The following ZNF385D variants were observed in gnomAD, a reference collection of about 807,000 sequenced individuals.
ZNF385D encodes the protein zinc finger protein 385D.
Under a neutral mutation model 35.8 loss-of-function variants are expected in ZNF385D, and 15 were observed. That is an observed-to-expected ratio of 0.42 (90% CI 0.28 to 0.64). The LOEUF is 0.64. ZNF385D is among the 30% of genes least tolerant of loss of function. The pLI is 0.23. For missense variants in ZNF385D, 474 were observed against 494.6 expected, an observed-to-expected ratio of 0.96 and a Z score of 0.39; for synonymous variants, 212 against 186.8, an observed-to-expected ratio of 1.13 and a Z score of -1.10.
chr3:21,818,904 T>C (rs964606662), intron 3 of ZNF385D, among the ~76,000 whole-genome samples: 1 of 151,966 alleles, frequency 6.6e-6, no homozygotes, highest in Admixed American at 6.6e-5. Context: ...GAGAAACACG[T>C]GAATGAATCT....
intron 3 of ZNF385D, among the ~76,000 whole-genome samples, chr3:21,810,048 A>G (rs1466682699): frequency 3.6e-4 from 55 of 152,196 alleles, no homozygotes; most frequent in Non-Finnish European, 7.4e-5. Context: ...TAACACCAGC[A>G]TGTCCTTGAT....
Position 21,539,064 on chromosome 3 carries a change from T to G in ZNF385D, c.276+25510A>C, listed in dbSNP as rs7634487. Among the ~76,000 whole-genome samples the G allele has an allele frequency of 0.017, 2,532 of 152,198 alleles. 44 individuals are homozygous for G. Among genetic ancestry groups the G allele is most frequent in the Non-Finnish European group, 0.024 (1,653 of 68,016 alleles). ...GGTCTGAGAAGAGATGAACTAGTTT[T>G]CAGCTAATACGGAACAAAGGGAGTG... On this transcript the variant is annotated intron_variant, in intron 3 of 7. Coordinates refer to ENST00000281523, the MANE Select transcript of ZNF385D (RefSeq NM_024697.3). The surrounding 1 kb of genome is among the most constrained non-coding windows in gnomAD (Gnocchi z 4.0).
chr3:21,843,927 A>G (rs1457074557), intron 3 of ZNF385D, among the ~76,000 whole-genome samples: 1 of 151,996 alleles, frequency 6.6e-6, no homozygotes, highest in African/African-American at 2.4e-5. Context: ...TGAAACAGAC[A>G]TAGAATGTGC....
chr3:22,341,522 C>T (rs972085922), intron 2 of ZNF385D, among the ~76,000 whole-genome samples: 2 of 152,180 alleles, frequency 1.3e-5, no homozygotes, highest in Admixed American at 6.5e-5. Context: ...AGGTCAGTCT[C>T]CTATCTTCAA....
rs1000912099 is a variant in ZNF385D at position 21,916,429 on chromosome 3, C to T, written c.326-251401G>A. On this transcript the variant is annotated intron_variant, in intron 3 of 5. Transcript: ENST00000494108. Reference sequence around the variant, plus strand: ...TCTAATGCATATTTTAACTTTTACACTTATGTCTAAAATATAATCTGCACC... The same window carrying T: ...TCTAATGCATATTTTAACTTTTACATTTATGTCTAAAATATAATCTGCACC... Among the ~76,000 whole-genome samples the T allele has an allele frequency of 5.3e-5, 8 of 152,224 alleles. No homozygotes were observed. In the East Asian group the frequency reaches 1.5e-3, roughly 29 times the overall value.
At chr3:21,849,935 G>T (rs1192576646) in intron 3 of ZNF385D, among the ~76,000 whole-genome samples, 2 of 151,754 alleles carry the variant, frequency 1.3e-5, no homozygotes, top group African/African-American at 4.8e-5. Context: ...GTAGGGATAG[G>T]GTCTCACTAT....
At chr3:21,657,106 T>C (rs2066094768) in intron 2 of ZNF385D, among the ~76,000 whole-genome samples, 1 of 151,822 alleles carries the variant, frequency 6.6e-6, no homozygotes, top group South Asian at 2.1e-4. Flanking sequence ...CGATCTTTAA[T>C]GAGAAGAACA....
chr3:21,746,102 G>A (rs931652511), intron 1 of ZNF385D, among the ~76,000 whole-genome samples: 12 of 152,142 alleles, frequency 7.9e-5, no homozygotes, highest in Non-Finnish European at 1.6e-4. Flanking sequence ...CTTATCAACG[G>A]AGCGTTCAGT....
At chr3:21,707,302 A>C (rs2067941963) in intron 1 of ZNF385D, among the ~76,000 whole-genome samples, 1 of 152,164 alleles carries the variant, frequency 6.6e-6, no homozygotes, top group African/African-American at 2.4e-5. Context: ...ATTTACTATA[A>C]ATTGTGCACA....
At chr3:21,980,318 T>G (rs1180855468) in intron 3 of ZNF385D, among the ~76,000 whole-genome samples, 5 of 152,160 alleles carry the variant, frequency 3.3e-5, no homozygotes, top group Non-Finnish European at 7.4e-5. Flanking sequence ...CTCAGCTAAG[T>G]CGCTTTTGAA....
In ZNF385D at chr3:22,003,005, G is replaced by C. The variant is rs182024018; in HGVS notation, c.325+165812C>G. 3.9e-4 allele frequency among the ~76,000 whole-genome samples: 59 copies of C among 152,248 alleles called. 1 individual carries two copies. Among genetic ancestry groups the C allele is most frequent in the Middle Eastern group, 6.8e-3 (2 of 294 alleles). The stretch of plus-strand genomic sequence containing the variant: ...GAAAAGCTGGAAGCCTTTTCTCTAA[G>C]AACTAGAATAAGAAAAGGATGCCCA... On this transcript the variant is annotated intron_variant, in intron 3 of 5. Transcript: ENST00000494108.
intron 3 of ZNF385D, among the ~76,000 whole-genome samples, chr3:22,146,309 T>G (rs1704849001): frequency 6.6e-6 from 1 of 152,188 alleles, no homozygotes; most frequent in South Asian, 2.1e-4. Flanking sequence ...TCCTGTTAAT[T>G]AAGCACGCTA....
At chr3:21,969,007 A>G (rs1327336465) in intron 3 of ZNF385D, among the ~76,000 whole-genome samples, 1 of 152,106 alleles carries the variant, frequency 6.6e-6, no homozygotes, top group African/African-American at 2.4e-5. Flanking sequence ...AGAGACACAG[A>G]TCTGGCAGCT....
chr3:21,774,764 G>A (rs1298997316), intron 3 of ZNF385D, among the ~76,000 whole-genome samples: 1 of 151,898 alleles, frequency 6.6e-6, no homozygotes, highest in African/African-American at 2.4e-5. Context: ...TTCAGTACCT[G>A]TCACTGAAAT....
At chr3:21,494,610 A>G (rs1705684364) in intron 4 of ZNF385D, among the ~76,000 whole-genome samples, 2 of 152,094 alleles carry the variant, frequency 1.3e-5, no homozygotes, top group Non-Finnish European at 2.9e-5. Flanking sequence ...ATCTTGGTCA[A>G]TTTTCCTAAC....
At chr3:21,844,495 C>T (rs1249153085) in intron 3 of ZNF385D, among the ~76,000 whole-genome samples, 1 of 151,388 alleles carries the variant, frequency 6.6e-6, no homozygotes, top group Non-Finnish European at 1.5e-5. Context: ...CCCTATGTGT[C>T]AAGTGGAGGA....
intron 1 of ZNF385D, among the ~76,000 whole-genome samples, chr3:21,732,649 G>C (rs912254333): frequency 1.3e-5 from 2 of 152,132 alleles, no homozygotes; most frequent in South Asian, 2.1e-4. Context: ...ACATGATGTG[G>C]AACACCTTTT....
intron 2 of ZNF385D, among the ~76,000 whole-genome samples, chr3:21,611,074 A>G (rs2064662350): frequency 6.6e-6 from 1 of 152,252 alleles, no homozygotes; most frequent in Admixed American, 6.5e-5. Flanking sequence ...AGCAAGGAAT[A>G]GAATCTCCAT....
intron 3 of ZNF385D, among the ~76,000 whole-genome samples, chr3:22,002,194 A>G (rs894238148): frequency 6.6e-6 from 1 of 152,048 alleles, no homozygotes; most frequent in Non-Finnish European, 1.5e-5. Flanking sequence ...TTAATGCACT[A>G]TTAGCTCAAC....
Sources: allele counts gnomAD v4.1 joint callset (sites outside exome capture counted in the v4.1 genomes callset), GRCh38; gene constraint gnomAD v4.1.1; non-coding constraint Gnocchi (gnomAD v3.1); transcripts MANE v1.5; gene names NCBI Gene and HGNC (gene_info 2026-07-23, HGNC 2026-07-21).